UBOX5: variants seen among roughly 807,000 people sequenced by gnomAD.
The protein encoded by UBOX5 is RING finger protein 37.
A neutral mutation model predicts 39.0 loss-of-function variants in UBOX5; 28 were observed. The observed-to-expected ratio is 0.72, with a 90% CI of 0.53 to 0.98. UBOX5 has a LOEUF of 0.98. Ranked by LOEUF, UBOX5 falls within the 50% of genes least tolerant of loss-of-function variation. UBOX5 has a pLI of 0.00. For missense variants in UBOX5, 585 were observed against 674.4 expected (o/e 0.87, Z 1.47); for synonymous variants, 283 against 275.5 (o/e 1.03, Z -0.27).
At chr20:3,115,530 G>A in intron 3 of UBOX5, 64 bp from the exon 4 acceptor site, 2 of 1,509,836 alleles carry the variant, frequency 1.3e-6, no homozygotes, top group Non-Finnish European at 1.8e-6. Flanking sequence ...ACAGCCTCAA[G>A]TCCTTCGAGG....
At chr20:3,129,507 C>T (rs1359976541) in intron 1 of UBOX5, among the ~76,000 whole-genome samples, 1 of 152,128 alleles carries the variant, frequency 6.6e-6, no homozygotes, top group Admixed American at 6.5e-5. Flanking sequence ...CAGACCAGTG[C>T]ACCGGCCTAT....
chr20:3,159,515 GA>G (rs530700515), intron 1 of UBOX5, among the ~76,000 whole-genome samples: 1 of 152,094 alleles, frequency 6.6e-6, no homozygotes, highest in African/African-American at 2.4e-5. Context: ...TTTCACAGAG[GA>G]AAAAAAATCA....
chr20:3,139,193 A>C (rs2066496087), intron 1 of UBOX5, among the ~76,000 whole-genome samples: 1 of 152,130 alleles, frequency 6.6e-6, no homozygotes, highest in Admixed American at 6.6e-5. Flanking sequence ...CAACTGGTTA[A>C]AATGAAAGAC....
rs2066598758 is a variant in UBOX5, at chr20:3,149,058, G to A, written c.-42+10708C>T. The A allele has an allele frequency of 6.2e-7, 1 of 1,610,748 alleles. No individual in the cohort carries two copies. The highest frequency in any genetic ancestry group is 8.5e-7 in the Non-Finnish European group (1 of 1,178,024). On this transcript the variant is annotated intron_variant, in intron 1 of 4. Coordinates refer to ENST00000217173, the MANE Select transcript of UBOX5 (RefSeq NM_014948.4). This position sits in a 1 kb window ranked among gnomAD's most constrained non-coding sequence, Gnocchi z 4.1. ...TATCTTACAAGTTTTAATGACTTGAGAGTAGCTGCCATTCTGGTGTCAGTA... is the reference window on the plus strand; with the variant it reads ...TATCTTACAAGTTTTAATGACTTGAAAGTAGCTGCCATTCTGGTGTCAGTA...
chr20:3,150,434 T>C (rs901016049), intron 1 of UBOX5: 1 of 152,234 alleles, frequency 6.6e-6, no homozygotes, highest in Admixed American at 6.5e-5. Flanking sequence ...GTGAGCAGTA[T>C]AATGCCCATT....
At chr20:3,112,916 G>T (rs1370747124) in intron 4 of UBOX5, among the ~76,000 whole-genome samples, 1 of 151,468 alleles carries the variant, frequency 6.6e-6, no homozygotes, top group Non-Finnish European at 1.5e-5. Context: ...CAGTGAGCCA[G>T]GATTGTGCCA....
At chr20:3,156,269 G>C (rs377622643) in intron 1 of UBOX5, among the ~76,000 whole-genome samples, 1 of 149,852 alleles carries the variant, frequency 6.7e-6, no homozygotes, top group African/African-American at 2.5e-5. Context: ...TCTGCATCCC[G>C]GGTTTAAGTA....
rs374392560 is a variant in UBOX5 at position 3,121,701 on chromosome 20, G to C, written c.938C>G (p.Thr313Ser). 1.7e-5 allele frequency: 27 copies of C among 1,613,932 alleles called. No homozygotes were observed. Among genetic ancestry groups the C allele is most frequent in the Non-Finnish European group, 2.1e-5 (25 of 1,180,038 alleles). The change falls in exon 3 of 5, where the codon ACT becomes AGT. Residue 313 changes from threonine (T) to serine (S), a missense_variant. Physicochemically the swap from Thr to Ser is moderately conservative, Grantham distance 58. Transcript: ENST00000217173. ...PSDPFTGVAF[T>S]PHSQPLPHPS... ...GTGAGGCAGGGGCTGAGAGTGCGGAGTAAAAGCTACCCCCGTGAAAGGGTC... is the reference window on the plus strand; with the variant it reads ...GTGAGGCAGGGGCTGAGAGTGCGGACTAAAAGCTACCCCCGTGAAAGGGTC...
intron 1 of UBOX5, chr20:3,148,223 T>C (rs1291386030): frequency 6.2e-7 from 1 of 1,613,974 alleles, no homozygotes; most frequent in South Asian, 1.1e-5. Context: ...ATAAATTAAG[T>C]GAACTAGCTG....
At chr20:3,156,049 G>A (rs551158838) in intron 1 of UBOX5, among the ~76,000 whole-genome samples, 1 of 152,284 alleles carries the variant, frequency 6.6e-6, no homozygotes, top group Non-Finnish European at 1.5e-5. Flanking sequence ...CAGCAGTCAG[G>A]ATGACCAGAT....
At chr20:3,121,359 C>T in intron 3 of UBOX5, 25 bp downstream of exon 3, 1 of 1,585,068 alleles carries the variant, frequency 6.3e-7, no homozygotes, top group Non-Finnish European at 8.6e-7. Flanking sequence ...ATGAGCCTGG[C>T]TGCGGACACA....
intron 1 of UBOX5, among the ~76,000 whole-genome samples, chr20:3,153,669 G>A (rs543575613): frequency 6.6e-6 from 1 of 152,276 alleles, no homozygotes; most frequent in South Asian, 2.1e-4. Context: ...CCAGGGAGCT[G>A]GAGGGTTAGA....
chr20:3,122,581 A>C lies in UBOX5; in HGVS notation c.58T>G (p.Ser20Ala), dbSNP rs745607672. 1.3e-6 allele frequency: 2 copies of C among 1,560,994 alleles called. No homozygotes were observed. The highest frequency in any genetic ancestry group is 2.4e-5 in the South Asian group (2 of 83,284). ...TTTTCTACTTCGTAACCATCAGCTG[A>C]TATCTAGATTTAATAAAAAACACAA... ...FRPRIHCNKI[S>A]ADGYEVENLI... Residue 20 changes from serine (S) to alanine (A), a missense_variant, in exon 3 of 5, where the codon TCA becomes GCA. Transcript: ENST00000217173.
intron 3 of UBOX5, among the ~76,000 whole-genome samples, chr20:3,120,088 T>A (rs996535563): frequency 1.3e-5 from 2 of 152,104 alleles, no homozygotes; most frequent in African/African-American, 4.8e-5. Flanking sequence ...GCACAGTGGC[T>A]TGCAGATCCC....
chr20:3,158,461 C>CTTAT (rs537505430), intron 1 of UBOX5, among the ~76,000 whole-genome samples: 60 of 151,716 alleles, frequency 4.0e-4, no homozygotes, highest in Middle Eastern at 3.4e-3. Context: ...ATTTTATTTA[C>CTTAT]TTATTTATTT....
chr20:3,142,171 A>G (rs2066522509), intron 1 of UBOX5, among the ~76,000 whole-genome samples: 1 of 151,850 alleles, frequency 6.6e-6, no homozygotes, highest in African/African-American at 2.4e-5. Context: ...AAGAAAAAAA[A>G]AAAAAAAAGG....
intron 4 of UBOX5, among the ~76,000 whole-genome samples, chr20:3,115,101 T>C (rs1311270920): frequency 6.6e-6 from 1 of 152,118 alleles, no homozygotes; most frequent in Non-Finnish European, 1.5e-5. Flanking sequence ...GCCTTTCTTG[T>C]GGGGAGTTTA....
intron 1 of UBOX5, among the ~76,000 whole-genome samples, chr20:3,129,210 G>A (rs1222939105): frequency 6.6e-6 from 1 of 152,184 alleles, no homozygotes; most frequent in Non-Finnish European, 1.5e-5. Flanking sequence ...ATTTACAGAA[G>A]AGTGTTCAGT....
rs2066239919 is a variant in UBOX5, at chr20:3,109,933, GC to G, written c.*172del. ...TGGCCTATGGCTTTGTTGCCCTATT[GC>G]CACCAGCGCAGAAGCAATGTGCTAT... On this transcript the variant is annotated 3_prime_UTR_variant, in exon 5 of 5. Transcript: ENST00000217173. The G allele has an allele frequency of 2.7e-6, 2 of 732,830 alleles. No individual in the cohort carries two copies. The highest frequency in any genetic ancestry group is 4.4e-6 in the Non-Finnish European group (2 of 452,140). The allele number at this position is 732,830 out of a possible 1,614,324, so 45.4% of individuals were successfully genotyped here.
Sources: gnomAD v4.1 joint callset for allele counts (sites outside exome capture counted in the v4.1 genomes callset) on GRCh38, gnomAD v4.1.1 for gene constraint, Gnocchi (gnomAD v3.1) non-coding constraint, MANE v1.5 for transcripts, NCBI Gene and HGNC (gene_info 2026-07-23, HGNC 2026-07-21) for gene names.